RGS7: variants seen among roughly 807,000 people sequenced by gnomAD.
The protein encoded by RGS7 is regulator of G protein signaling 7.
In RGS7, 27 loss-of-function variants were observed where a neutral mutation model predicts 81.1. That is an observed-to-expected ratio of 0.33 (90% CI 0.25 to 0.46). The LOEUF (loss-of-function observed/expected upper bound fraction) is 0.46. RGS7 is among the 20% of genes least tolerant of loss of function. The probability of loss-of-function intolerance (pLI) is 1.00; values close to 1 mark genes in which losing one functional copy is unlikely to be tolerated. For synonymous variants in RGS7, 208 were observed against 207.7 expected (o/e 1.00, Z -0.01); for missense variants, 396 against 607.4 (o/e 0.65, Z 3.66).
intron 2 of RGS7, among the ~76,000 whole-genome samples, chr1:241,251,148 A>T (rs1440106109): frequency 6.6e-6 from 1 of 152,240 alleles, no homozygotes; most frequent in Non-Finnish European, 1.5e-5. Context: ...CATTATTCAA[A>T]TAACTATTTT....
At chr1:241,168,720 G>GTC (rs72385432) in intron 2 of RGS7, among the ~76,000 whole-genome samples, 28 of 150,302 alleles carry the variant, frequency 1.9e-4, no homozygotes, top group Admixed American at 2.7e-4. Flanking sequence ...CTCTCTCTCT[G>GTC]TCTCTCTCTC....
intron 4 of RGS7, among the ~76,000 whole-genome samples, chr1:240,982,350 A>T (rs1483541744): frequency 5.0e-5 from 7 of 140,340 alleles, no homozygotes; most frequent in Non-Finnish European, 6.0e-5. Flanking sequence ...TGAACCTAGG[A>T]GGCAGAGGTT....
chr1:241,089,993 CAAAAAAA>C (rs10716500), intron 3 of RGS7, among the ~76,000 whole-genome samples: 1 of 93,046 alleles, frequency 1.1e-5, no homozygotes, highest in Non-Finnish European at 2.2e-5. Context: ...GACTCCATCT[CAAAAAAA>C]AAAAAAAAAA....
At chr1:241,082,794 C>T (rs2063209619) in intron 3 of RGS7, among the ~76,000 whole-genome samples, 1 of 152,144 alleles carries the variant, frequency 6.6e-6, no homozygotes, top group African/African-American at 2.4e-5. Context: ...TTGATCATTA[C>T]CCACTTTATA....
At chr1:241,148,398 T>C (rs912666675) in intron 2 of RGS7, among the ~76,000 whole-genome samples, 94 of 152,268 alleles carry the variant, frequency 6.2e-4, no homozygotes, top group African/African-American at 2.2e-3. Context: ...CAGTAATGAA[T>C]TGGTTCTGCT....
At chr1:241,169,866 A>G (rs1481921120) in intron 2 of RGS7, among the ~76,000 whole-genome samples, 1 of 152,114 alleles carries the variant, frequency 6.6e-6, no homozygotes, top group Non-Finnish European at 1.5e-5. Flanking sequence ...GTGCATTTAT[A>G]ACAAGCATCC....
intron 9 of RGS7, among the ~76,000 whole-genome samples, chr1:240,854,006 T>C (rs894170383): frequency 1.3e-5 from 2 of 149,560 alleles, no homozygotes; most frequent in Non-Finnish European, 3.0e-5. Flanking sequence ...CATTCAGGAA[T>C]GTTCTCTTGG....
intron 2 of RGS7, among the ~76,000 whole-genome samples, chr1:241,258,102 T>C (rs1296387523): frequency 6.6e-6 from 1 of 152,200 alleles, no homozygotes; most frequent in East Asian, 1.9e-4. Flanking sequence ...TTCTTATATA[T>C]AGTATTCTGG....
At chr1:241,299,584 A>C (rs544910097) in intron 2 of RGS7, among the ~76,000 whole-genome samples, 1 of 152,004 alleles carries the variant, frequency 6.6e-6, no homozygotes, top group East Asian at 1.9e-4. Flanking sequence ...GTATCACTAC[A>C]TATCCAGCAT....
chr1:241,090,762 ACTATAGTG>A (rs2063820514), intron 3 of RGS7, among the ~76,000 whole-genome samples: 1 of 152,186 alleles, frequency 6.6e-6, no homozygotes, highest in South Asian at 2.1e-4. Flanking sequence ...AGGTGAAAAA[ACTATAGTG>A]GGTTACTCAG....
At chr1:240,819,758 A>G (rs1691452397) in intron 10 of RGS7, among the ~76,000 whole-genome samples, 1 of 152,124 alleles carries the variant, frequency 6.6e-6, no homozygotes, top group Non-Finnish European at 1.5e-5. Flanking sequence ...CAAAACAAAA[A>G]CACAAAGGTC....
intron 3 of RGS7, among the ~76,000 whole-genome samples, chr1:241,066,431 C>T (rs1253782413): frequency 6.6e-6 from 1 of 152,198 alleles, no homozygotes; most frequent in African/African-American, 2.4e-5. Flanking sequence ...ATAGGACTTT[C>T]GTTAAATGCT....
intron 2 of RGS7, among the ~76,000 whole-genome samples, chr1:241,259,650 C>CAAAAAAAAAAAAAAAAAAAAAAAAA (rs71571832): frequency 1.8e-4 from 7 of 39,904 alleles, no homozygotes; most frequent in Middle Eastern, 0.02. Flanking sequence ...AACTCCGTCT[C>CAAAAAAAAAAAAAAAAAAAAAAAAA]AAAAAAAAAA....
intron 6 of RGS7, among the ~76,000 whole-genome samples, chr1:240,898,194 T>C (rs1247847819): frequency 6.6e-6 from 1 of 152,252 alleles, no homozygotes; most frequent in Non-Finnish European, 1.5e-5. Flanking sequence ...TTAGTCTTGC[T>C]AGTGGTCTGT....
intron 2 of RGS7, among the ~76,000 whole-genome samples, chr1:241,301,853 G>T (rs1051617905): frequency 2.0e-5 from 3 of 152,170 alleles, no homozygotes; most frequent in African/African-American, 7.2e-5. Context: ...ATTCTAAAAG[G>T]CATTTCCAAC....
intron 3 of RGS7, among the ~76,000 whole-genome samples, chr1:241,018,133 A>ATTTTTTTTTT (rs34587479): frequency 3.9e-3 from 442 of 114,382 alleles, no homozygotes; most frequent in African/African-American, 8.8e-3. Context: ...TGCCCAGCTA[A>ATTTTTTTTTT]TTTTTTTTTT....
intron 2 of RGS7, among the ~76,000 whole-genome samples, chr1:241,186,760 CAGGT>C (rs1404316863): frequency 6.6e-6 from 1 of 151,976 alleles, no homozygotes; most frequent in Non-Finnish European, 1.5e-5. Context: ...CTCCCAAACT[CAGGT>C]GATCCACCTA....
intron 7 of RGS7, 134 bp downstream of exon 7, chr1:240,869,921 C>T (rs1268564258): frequency 2.4e-6 from 2 of 826,538 alleles, no homozygotes; most frequent in East Asian, 5.0e-5. Flanking sequence ...GCCTGGGTGA[C>T]AAGAGTGAAA....
At chr1:241,149,532 C>G (rs2068596929) in intron 2 of RGS7, among the ~76,000 whole-genome samples, 1 of 152,172 alleles carries the variant, frequency 6.6e-6, no homozygotes, top group Non-Finnish European at 1.5e-5. Context: ...CCCCAAGGTA[C>G]ACTGGCATGG....
Sources: gnomAD v4.1 joint callset for allele counts (sites outside exome capture counted in the v4.1 genomes callset) on GRCh38, gnomAD v4.1.1 for gene constraint, MANE v1.5 for transcripts, NCBI Gene and HGNC (gene_info 2026-07-23, HGNC 2026-07-21) for gene names.